Variants in PTCH1 observed in about 807,000 individuals in gnomAD.
PTCH1 encodes the protein patched 1, also known as protein patched homolog 1.
In PTCH1, 14 loss-of-function variants were observed where a neutral mutation model predicts 144.6. The ratio of observed to expected loss-of-function variants is 0.10; its 90% CI spans 0.06 to 0.15. PTCH1 has a LOEUF of 0.15. PTCH1 is among the 10% of genes least tolerant of loss of function. The pLI is 1.00. For synonymous variants in PTCH1, 833 were observed against 793.6 expected, an observed-to-expected ratio of 1.05 and a Z score of -0.83; for missense variants, 1,623 against 1,948.3, an observed-to-expected ratio of 0.83 and a Z score of 3.14.
At chr9:95,484,312 A>T (rs1360753053) in intron 3 of PTCH1, 1 of 152,212 alleles carries the variant, frequency 6.6e-6, no homozygotes, top group African/African-American at 2.4e-5. Context: ...ACATGATTTT[A>T]CATTTTCTAA....
rs28485160 is a variant in PTCH1 at position 95,443,363 on chromosome 9, T to C, written c.*3030A>G. The C allele has an allele frequency of 0.19, 29,424 of 152,428 alleles. 5,004 individuals carry two copies. The highest frequency in any genetic ancestry group is 0.46 in the African/African-American group (18,955 of 41,454). 9.4% of individuals were successfully genotyped at this position (152,428 alleles called of 1,614,324 possible). A position where few individuals can be genotyped will look rare whatever the true frequency, so the allele number is the denominator to read the frequency against. ...TTTCTGATGGCTCCAACACTAACTGTCTCTCCCAAGTATTTTAAAGAAAAA... is the reference window on the plus strand; with the variant it reads ...TTTCTGATGGCTCCAACACTAACTGCCTCTCCCAAGTATTTTAAAGAAAAA... On this transcript the variant is annotated 3_prime_UTR_variant, in exon 24 of 24. Transcript: ENST00000331920.
intron 1 of PTCH1, chr9:95,506,885 G>A (rs1032570996): frequency 1.7e-6 from 2 of 1,145,178 alleles, no homozygotes; most frequent in African/African-American, 3.2e-5. Flanking sequence ...CAATACAGAA[G>A]AGGAAGCCGA....
At chr9:95,507,042 T>G in intron 1 of PTCH1, 2 of 987,712 alleles carry the variant, frequency 2.0e-6, no homozygotes, top group Non-Finnish European at 2.4e-6. Flanking sequence ...GGACGGGCGC[T>G]AGGGGCGAGC....
intron 19 of PTCH1, 97 bp from the exon 20 acceptor site, chr9:95,453,717 C>A: frequency 6.6e-7 from 1 of 1,518,928 alleles, no homozygotes; most frequent in South Asian, 1.2e-5. Context: ...GAACTGCTCA[C>A]ATCTTACTGT....
At chr9:95,489,196 A>G (rs977127154) in intron 2 of PTCH1, among the ~76,000 whole-genome samples, 2 of 152,190 alleles carry the variant, frequency 1.3e-5, no homozygotes, top group African/African-American at 4.8e-5. Context: ...CGCCTATCCT[A>G]AATCACTGCT....
intron 10 of PTCH1, 111 bp downstream of exon 10, chr9:95,477,436 C>T (rs1841138671): frequency 6.8e-7 from 1 of 1,461,048 alleles, no homozygotes; most frequent in South Asian, 1.2e-5. Flanking sequence ...GAAAAGGCTG[C>T]AAGACCCTTC....
rs2136602990 is a variant in PTCH1 at position 95,449,320 on chromosome 9, A to G, written c.3553T>C (p.Ser1185Pro). The stretch of plus-strand genomic sequence containing the variant: ...AGGCGGTTCAAGCCGTTGGCTGGAG[A>G]CACCTATTTAAGGGGATTCCATGTT... ...LSFFGPYPEV[S>P]PANGLNRLPT... is the part of the protein sequence containing the mutation. The change falls in exon 22 of 24, where the codon TCT (serine) becomes CCT (proline). Residue 1185 changes from serine to proline, a missense_variant. Physicochemically the swap from Ser to Pro is moderately conservative, Grantham distance 74. Transcript: ENST00000331920. This position sits in a 1 kb window ranked among gnomAD's most constrained non-coding sequence, Gnocchi z 5.3. 6.5e-7 allele frequency: 1 copy of G among 1,548,536 alleles called. No individual in the cohort carries two copies. The highest frequency in any genetic ancestry group is 8.7e-7 in the Non-Finnish European group (1 of 1,148,524).
chr9:95,515,858 G>A (rs1219699426), intron 1 of PTCH1, among the ~76,000 whole-genome samples: 1 of 152,154 alleles, frequency 6.6e-6, no homozygotes, highest in African/African-American at 2.4e-5. Context: ...GTCTCTTCTA[G>A]CCCGGGTGTC....
intron 3 of PTCH1, chr9:95,483,391 T>C (rs1405489492): frequency 8.1e-6 from 1 of 122,996 alleles, no homozygotes; most frequent in Non-Finnish European, 1.7e-5. Context: ...AGAGTGGGGA[T>C]GGAAAAGTCC....
chr9:95,480,459 C>T lies in PTCH1; in HGVS notation c.876G>A (p.Met292Ile), dbSNP rs776187586. The T allele has an allele frequency of 1.9e-6, 3 of 1,612,262 alleles. No homozygotes were observed. Among genetic ancestry groups the T allele is most frequent in the Non-Finnish European group, 2.5e-6 (3 of 1,179,790 alleles). ...CGGCCGGATTGAGGCAGGGGCGGTC[C>T]ATGTAACCATGACCAACCTCAGCCT... ...LNKAEVGHGY[M>I]DRPCLNPADP... The change falls in exon 6 of 24, where the codon ATG becomes ATA. Residue 292 changes from methionine (M) to isoleucine (I), a missense_variant. This residue lies in a region of PTCH1 where 230 missense variants were observed against 271.0 expected (regional missense o/e 0.85). Transcript: ENST00000331920.
intron 2 of PTCH1, among the ~76,000 whole-genome samples, chr9:95,495,685 G>A (rs1274515907): frequency 6.6e-6 from 1 of 152,096 alleles, no homozygotes; most frequent in Non-Finnish European, 1.5e-5. Flanking sequence ...ATCCCATCCA[G>A]CAAGGATATC....
chr9:95,452,833 A>C (rs1838584151), intron 20 of PTCH1: 1 of 154,944 alleles, frequency 6.5e-6, no homozygotes. Context: ...TTTGAAGGAG[A>C]GGGAGCGTAG....
At position 95,508,307 on chromosome 9, in the gene PTCH1, C is replaced by T. The variant is rs778460384; in HGVS notation, c.55G>A (p.Gly19Ser). The change falls in exon 1 of 24, where the codon GGC becomes AGC. Residue 19 changes from glycine (G) to serine (S), a missense_variant. Gly to Ser is a moderately conservative substitution (Grantham distance 56). Transcript: ENST00000331920. ...EPQDRGGGGSGCIGAPGRPAG... is the reference protein window; with the variant it reads ...EPQDRGGGGSSCIGAPGRPAG... ...GGCCGTCCCGGGGCACCGATACAGC[C>T]GCTGCCGCCGCCGCCGCGGTCCTGG... 2.8e-6 allele frequency: 4 copies of T among 1,407,282 alleles called. No individual in the cohort carries two copies. In the African/African-American group the frequency reaches 6.1e-5, roughly 21 times the overall value. 87.2% of individuals were successfully genotyped at this position (1,407,282 alleles called of 1,614,324 possible).
intron 2 of PTCH1, among the ~76,000 whole-genome samples, chr9:95,491,584 G>A (rs1039412854): frequency 3.9e-5 from 6 of 152,138 alleles, no homozygotes; most frequent in African/African-American, 1.4e-4. Flanking sequence ...CTTGCCCAAG[G>A]TTGCCCACCT....
At position 95,506,562 on chromosome 9, in the gene PTCH1, C is replaced by G. The variant is rs1192030415; in HGVS notation, c.239G>C (p.Arg80Thr). 1.2e-6 allele frequency: 2 copies of G among 1,612,968 alleles called. No homozygotes were observed. The highest frequency in any genetic ancestry group is 1.3e-5 in the African/African-American group (1 of 74,894). The change falls in exon 2 of 24, where the codon AGA (arginine) becomes ACA (threonine). Residue 80 changes from arginine (R) to threonine (T), a missense_variant. Around this residue, in one of 7 missense-constraint regions of PTCH1, gnomAD observed 245 missense variants for 240.6 expected, o/e 1.02. Coordinates refer to ENST00000331920, the MANE Select transcript of PTCH1 (RefSeq NM_000264.5). Reference protein sequence around the residue: ...ATGRKAPLWLRAKFQRLLFKL... With the variant: ...ATGRKAPLWLTAKFQRLLFKL... ...AAATAAGAGTCTCTGAAACTTCGCTCTCAGCCACAGCGGCGCTTTCCGGCC... is the reference window on the plus strand; with the variant it reads ...AAATAAGAGTCTCTGAAACTTCGCTGTCAGCCACAGCGGCGCTTTCCGGCC...
In PTCH1 at chr9:95,453,590, G is replaced by A. The variant is rs758520331; in HGVS notation, c.3337C>T (p.Arg1113Cys). ...AFLTAIGDKN[R>C]RAVLALEHMF... is the part of the protein sequence containing the mutation. ...TGCTCCAGGGCAAGCACAGCCCTGC[G>A]GTTCTTGTCGCCGATGGCCGTCAGA... The change falls in exon 20 of 24, where the codon CGC becomes TGC. Residue 1113 changes from arginine (R) to cysteine (C), a missense_variant. By Grantham distance (180) the Arg-to-Cys change is radical. Around this residue, in one of 7 missense-constraint regions of PTCH1, gnomAD observed 504 missense variants for 679.3 expected, o/e 0.74. Coordinates refer to ENST00000331920, the MANE Select transcript of PTCH1 (RefSeq NM_000264.5). 18 of 1,613,860 alleles carry A rather than the reference G, an allele frequency of 1.1e-5. 1 individual carries two copies. The highest frequency in any genetic ancestry group is 6.7e-5 in the East Asian group (3 of 44,898).
In PTCH1 at chr9:95,494,158, T is replaced by A. The variant is rs73527718; in HGVS notation, c.395-8284A>T. 0.013 allele frequency: 12,604 copies of A among 973,044 alleles called. 1,050 individuals carry two copies. The African/African-American group carries it at 0.19, about 15-fold the overall frequency. 60.3% of individuals were successfully genotyped at this position (973,044 alleles called of 1,614,324 possible). ...CTCGCGCGGGGTTCTGCAACGCGCA[T>A]GCGCCGGAAGCAAGCTTCCCCGCCC... On this transcript the variant is annotated intron_variant, in intron 2 of 23. Transcript: ENST00000331920.
chr9:95,506,850 T>G, intron 1 of PTCH1: 1 of 1,178,350 alleles, frequency 8.5e-7, no homozygotes. Context: ...GCGGGATCCC[T>G]GAGCGACTTG....
In PTCH1 at chr9:95,476,805, G is replaced by A; in HGVS notation, c.1556C>T (p.Ala519Val). Residue 519 changes from alanine to valine, a missense_variant, in exon 11 of 24, where the codon GCC (alanine) becomes GTC (valine). Physicochemically the swap from Ala to Val is moderately conservative, Grantham distance 64 (BLOSUM62 0). Coordinates refer to ENST00000331920, the MANE Select transcript of PTCH1 (RefSeq NM_000264.5). The surrounding 1 kb of genome is among the most constrained non-coding windows in gnomAD (Gnocchi z 4.6). ...CTGTCCTGTTTCACTGAAGGCGTGG[G>A]CCAGAAGAAAAACATCATCCACACC... Reference protein sequence around the residue: ...GVGVDDVFLLAHAFSETGQNK... With the variant: ...GVGVDDVFLLVHAFSETGQNK... 1.2e-6 allele frequency: 2 copies of A among 1,614,050 alleles called. No homozygotes were observed.
Sources: gnomAD v4.1 joint callset for allele counts (sites outside exome capture counted in the v4.1 genomes callset) on GRCh38, gnomAD v4.1.1 for gene constraint, gnomAD v4.1.1 regional missense constraint, Gnocchi (gnomAD v3.1) non-coding constraint, MANE v1.5 for transcripts, NCBI Gene and HGNC (gene_info 2026-07-23, HGNC 2026-07-21) for gene names.